MED13L: variants seen among roughly 807,000 people sequenced by gnomAD.
MED13L encodes the protein mediator complex subunit 13L.
A neutral mutation model predicts 220.9 loss-of-function variants in MED13L; 7 were observed. The observed-to-expected ratio is 0.03, with a 90% CI of 0.02 to 0.06. The LOEUF is 0.06. MED13L is among the 10% of genes least tolerant of loss of function. The pLI, the probability that MED13L is intolerant of heterozygous loss-of-function variation, is 1.00. For synonymous variants in MED13L, 1,011 were observed against 1,015.2 expected (o/e 1.00, Z 0.08); for missense variants, 1,965 against 2,760.5 (o/e 0.71, Z 6.46).
chr12:116,232,863 G>C (rs1237975950), intron 2 of MED13L, among the ~76,000 whole-genome samples: 2 of 152,116 alleles, frequency 1.3e-5, no homozygotes, highest in Non-Finnish European at 2.9e-5. Flanking sequence ...GAGGCGGGCG[G>C]ATCGATTGAG....
In MED13L at chr12:115,970,452, A is replaced by T. The variant is rs1344863; in HGVS notation, c.6067+142T>A. 138,050 of 789,738 alleles carry T rather than the reference A, an allele frequency of 0.17. 12,647 individuals carry two copies. Among genetic ancestry groups the T allele is most frequent in the Middle Eastern group, 0.2 (527 of 2,600 alleles). 48.9% of individuals were successfully genotyped at this position (789,738 alleles called of 1,614,324 possible). On this transcript the variant is annotated intron_variant, in intron 27 of 30. Transcript: ENST00000281928. ...AAATCAAAGCTTTAAGACCAAATAG[A>T]TTCTCAAACCTTCTATCCCCTCTTT...
chr12:115,972,507 A>T, intron 25 of MED13L: 1 of 430,034 alleles, frequency 2.3e-6, no homozygotes. Flanking sequence ...AGTCTAATCT[A>T]CCTAGACCAG....
At chr12:116,220,105 T>C (rs560661885) in intron 2 of MED13L, among the ~76,000 whole-genome samples, 3 of 152,002 alleles carry the variant, frequency 2.0e-5, no homozygotes, top group African/African-American at 7.3e-5. Flanking sequence ...CTACCAGTTT[T>C]TAAAATGATA....
chr12:116,179,284 G>C (rs1356553960), intron 2 of MED13L, among the ~76,000 whole-genome samples: 2 of 151,702 alleles, frequency 1.3e-5, no homozygotes, highest in Non-Finnish European at 2.9e-5. Context: ...AAATACAAGA[G>C]ATTATCTTTT....
intron 4 of MED13L, among the ~76,000 whole-genome samples, chr12:116,046,336 A>G (rs1028165707): frequency 6.6e-6 from 1 of 152,226 alleles, no homozygotes; most frequent in African/African-American, 2.4e-5. Flanking sequence ...TTGAAAAAAA[A>G]ATCACAAAAG....
chr12:116,082,299 T>C (rs561696069), intron 4 of MED13L, among the ~76,000 whole-genome samples: 87 of 152,324 alleles, frequency 5.7e-4, no homozygotes, highest in African/African-American at 2.0e-3. Flanking sequence ...GGGGGTATAC[T>C]TATGAGGAAC....
chr12:116,046,076 G>A (rs1881814668), intron 4 of MED13L, among the ~76,000 whole-genome samples: 1 of 152,116 alleles, frequency 6.6e-6, no homozygotes, highest in South Asian at 2.1e-4. Context: ...TTAAAATGCA[G>A]TCTTATCATT....
chr12:116,059,089 A>G (rs79224598), intron 4 of MED13L, among the ~76,000 whole-genome samples: 7,902 of 152,234 alleles, frequency 0.052, 326 homozygotes, highest in Non-Finnish European at 0.07. Flanking sequence ...TTTTGTTAAG[A>G]CAGGGTCTCG....
intron 4 of MED13L, among the ~76,000 whole-genome samples, chr12:116,035,763 A>C (rs1234942916): frequency 1.3e-5 from 2 of 151,712 alleles, no homozygotes; most frequent in African/African-American, 4.8e-5. Context: ...GCTAATTTTT[A>C]CATTTTTGGT....
At chr12:116,019,052 T>G (rs1393472732) in intron 7 of MED13L, among the ~76,000 whole-genome samples, 172 bp downstream of exon 7, 2 of 152,206 alleles carry the variant, frequency 1.3e-5, no homozygotes, top group African/African-American at 4.8e-5. Flanking sequence ...CTGAAGTGTA[T>G]GAATTCTGTT....
chr12:116,214,633 T>C (rs1882893676), intron 2 of MED13L, among the ~76,000 whole-genome samples: 1 of 152,172 alleles, frequency 6.6e-6, no homozygotes, highest in Non-Finnish European at 1.5e-5. Flanking sequence ...TTTTCAATAA[T>C]AGCTTTTTTT....
At chr12:115,966,005 T>G in intron 29 of MED13L, 77 bp downstream of exon 29, 1 of 1,547,076 alleles carries the variant, frequency 6.5e-7, no homozygotes, top group South Asian at 1.1e-5. Context: ...TGACTAAAAC[T>G]GAAATTTCTA....
At chr12:116,064,467 T>G (rs1438474401) in intron 4 of MED13L, among the ~76,000 whole-genome samples, 1 of 152,188 alleles carries the variant, frequency 6.6e-6, no homozygotes, top group African/African-American at 2.4e-5. Context: ...TTATTTCTTA[T>G]GAAAAGAGGT....
At chr12:116,092,066 A>G (rs1389491506) in intron 4 of MED13L, among the ~76,000 whole-genome samples, 1 of 152,248 alleles carries the variant, frequency 6.6e-6, no homozygotes, top group Non-Finnish European at 1.5e-5. Flanking sequence ...AAAAGCTGTA[A>G]AACTATTATG....
At chr12:116,117,294 T>C (rs921339947) in intron 2 of MED13L, among the ~76,000 whole-genome samples, 2 of 152,124 alleles carry the variant, frequency 1.3e-5, no homozygotes, top group East Asian at 1.9e-4. Flanking sequence ...GTGAGACAGG[T>C]TGATACCAAA....
At chr12:116,122,160 T>C (rs1052853092) in intron 2 of MED13L, among the ~76,000 whole-genome samples, 26 of 152,160 alleles carry the variant, frequency 1.7e-4, no homozygotes, top group African/African-American at 5.8e-4. Context: ...AATCAGATAT[T>C]ACAACAAGGA....
At chr12:116,235,496 TTTTA>T (rs1869997226) in intron 2 of MED13L, among the ~76,000 whole-genome samples, 1 of 152,168 alleles carries the variant, frequency 6.6e-6, no homozygotes, top group Admixed American at 6.5e-5. Context: ...ACTTCAGTAT[TTTTA>T]TTTCTTTGTT....
At position 115,975,641 on chromosome 12, in the gene MED13L, T is replaced by C. The variant is rs1876884436; in HGVS notation, c.5462A>G (p.Gln1821Arg). 6.2e-7 allele frequency: 1 copy of C among 1,614,028 alleles called. No homozygotes were observed. Among genetic ancestry groups the C allele is most frequent in the Non-Finnish European group, 8.5e-7 (1 of 1,180,018 alleles). ...GCCCACGAAGAGCACATTGTATTTC[T>C]GGCTCGCCTCACCAAACGTCTCTCC... ...ELGETFGEAS[Q>R]KYNVLFVGYC... Residue 1821 changes from glutamine to arginine, a missense_variant, in exon 24 of 31, where the codon CAG becomes CGG. Gln to Arg is a conservative substitution (Grantham distance 43, BLOSUM62 1). Around this residue, in one of 10 missense-constraint regions of MED13L, gnomAD observed 510 missense variants for 620.4 expected, o/e 0.82. Coordinates refer to ENST00000281928, the MANE Select transcript of MED13L (RefSeq NM_015335.5).
intron 2 of MED13L, among the ~76,000 whole-genome samples, chr12:116,179,352 A>G (rs1880327568): frequency 6.6e-6 from 1 of 152,054 alleles, no homozygotes; most frequent in South Asian, 2.1e-4. Context: ...GCTCACGTCT[A>G]TAACCCCAGA....
Sources: allele counts gnomAD v4.1 joint callset (sites outside exome capture counted in the v4.1 genomes callset), GRCh38; gene constraint gnomAD v4.1.1; regional missense constraint gnomAD v4.1.1; transcripts MANE v1.5; gene names NCBI Gene and HGNC (gene_info 2026-07-23, HGNC 2026-07-21).